PODXL2: variants seen among roughly 807,000 people sequenced by gnomAD.
The protein encoded by PODXL2 is podocalyxin like 2, also known as podocalyxin-like protein 2.
A neutral mutation model predicts 53.4 loss-of-function variants in PODXL2; 17 were observed. The observed-to-expected ratio is 0.32, with a 90% CI of 0.22 to 0.48. The LOEUF is 0.48. Among genes scored for constraint, PODXL2 ranks in the 20% least tolerant of loss-of-function variants. The pLI is 0.99. For missense variants in PODXL2, 673 were observed against 760.0 expected, an observed-to-expected ratio of 0.89 and a Z score of 1.35; for synonymous variants, 311 against 306.7, an observed-to-expected ratio of 1.01 and a Z score of -0.15.
At chr3:127,671,860 T>A (rs1040103168) in intron 7 of PODXL2, among the ~76,000 whole-genome samples, 7 of 152,172 alleles carry the variant, frequency 4.6e-5, no homozygotes, top group African/African-American at 1.7e-4. Context: ...CACCAGCCCC[T>A]TTCCGGCGCA....
Position 127,629,429 on chromosome 3 carries a change from G to A in PODXL2, c.70+140G>A. On this transcript the variant is annotated intron_variant, in intron 1 of 7. Transcript: ENST00000342480. The surrounding 1 kb of genome is among the most constrained non-coding windows in gnomAD (Gnocchi z 6.4). ...CGTGTCCCGGCCGGGCCGCGGCGCC[G>A]CCCCGACACACGCGCACGAGGAGTG... 1.5e-6 allele frequency: 1 copy of A among 651,834 alleles called. No homozygotes were observed. Among genetic ancestry groups the A allele is most frequent in the East Asian group, 1.4e-4 (1 of 7,300 alleles). The allele number at this position is 651,834 out of a possible 1,614,324, so 40.4% of individuals were successfully genotyped here.
chr3:127,637,030 C>T (rs1047454264), intron 1 of PODXL2, among the ~76,000 whole-genome samples: 9 of 152,122 alleles, frequency 5.9e-5, no homozygotes, highest in Admixed American at 3.9e-4. Context: ...GCCACATTGG[C>T]CAGGCCTGTC....
chr3:127,635,497 C>A (rs1352564365), intron 1 of PODXL2, among the ~76,000 whole-genome samples: 1 of 152,200 alleles, frequency 6.6e-6, no homozygotes, highest in African/African-American at 2.4e-5. Flanking sequence ...TCAAACACTA[C>A]TCTGATCCAA....
chr3:127,649,244 A>G (rs907815747), intron 2 of PODXL2, among the ~76,000 whole-genome samples: 14 of 152,226 alleles, frequency 9.2e-5, no homozygotes, highest in Admixed American at 8.5e-4. Flanking sequence ...CAGCCTGTTC[A>G]AGGCTGCCAT....
chr3:127,639,217 T>C, intron 1 of PODXL2, 28 bp from the exon 2 acceptor site: 1 of 1,557,972 alleles, frequency 6.4e-7, no homozygotes. Context: ...TAGCCTCCCC[T>C]GACTGTCTGG....
In PODXL2 at chr3:127,653,821, A is replaced by G. The variant is rs549007553; in HGVS notation, c.350-6557A>G. ...TGCCGCAGTTGCTGTATCAGTGTGT[A>G]TGTGTACATGTATGGATATGGAGAT... On this transcript the variant is annotated intron_variant, in intron 2 of 7. Transcript: ENST00000342480. Among the ~76,000 whole-genome samples, 92 of 152,294 alleles carry G rather than the reference A, an allele frequency of 6.0e-4. 3 individuals are homozygous for G. The Middle Eastern group carries it at 0.01, about 17-fold the overall frequency.
rs1402025939 is a variant in PODXL2 at position 127,629,843 on chromosome 3, T to C, written c.70+554T>C. 6.6e-6 allele frequency among the ~76,000 whole-genome samples: 1 copy of C among 152,048 alleles called. No homozygotes were observed. Among genetic ancestry groups the C allele is most frequent in the Non-Finnish European group, 1.5e-5 (1 of 68,006 alleles). On this transcript the variant is annotated intron_variant, in intron 1 of 7. Coordinates refer to ENST00000342480, the MANE Select transcript of PODXL2 (RefSeq NM_015720.4). The surrounding 1 kb of genome is among the most constrained non-coding windows in gnomAD (Gnocchi z 6.4). ...CACGGTGAATGGGTATTCTCTCCTG[T>C]TCTGGGCGACTCTATTAGGAGCTGA...
Position 127,661,054 on chromosome 3 carries a change from A to G in PODXL2, c.1026A>G (p.Glu342=). 6.2e-7 allele frequency: 1 copy of G among 1,614,234 alleles called. No homozygotes were observed. Among genetic ancestry groups the G allele is most frequent in the South Asian group, 1.1e-5 (1 of 91,092 alleles). ...ASSPLAPGDM[E]LTPSSATLGQ... is the part of the protein sequence containing the mutation. ...CCCCACTGGCCCCTGGAGACATGGA[A>G]CTGACACCTTCCTCTGCTACCTTGG... is the stretch of plus-strand genomic sequence containing the variant. The change falls in exon 3 of 8, where the codon GAA becomes GAG. Residue 342 remains glutamate, a synonymous_variant. Transcript: ENST00000342480.
chr3:127,669,797 C>T (rs763277632), intron 6 of PODXL2, among the ~76,000 whole-genome samples: 1 of 152,222 alleles, frequency 6.6e-6, no homozygotes, highest in Non-Finnish European at 1.5e-5. Flanking sequence ...TCCCGATCAA[C>T]CTCTCCTACC....
rs1371827120 is a variant in PODXL2, at chr3:127,660,753, G to T, written c.725G>T (p.Ser242Ile). ...GVEVESSMGPSLLLPSVTPTT... is the reference protein window; with the variant it reads ...GVEVESSMGPILLLPSVTPTT... Reference sequence around the variant, plus strand: ...GAGGTGGAGAGCAGCATGGGGCCCAGCTTGCTGCTGCCTTCAGTCACCCCA... The same window carrying T: ...GAGGTGGAGAGCAGCATGGGGCCCATCTTGCTGCTGCCTTCAGTCACCCCA... Residue 242 changes from serine to isoleucine, a missense_variant, in exon 3 of 8, where the codon AGC (serine) becomes ATC (isoleucine). Coordinates refer to ENST00000342480, the MANE Select transcript of PODXL2 (RefSeq NM_015720.4). The T allele has an allele frequency of 6.2e-7, 1 of 1,614,218 alleles. No homozygotes were observed. Among genetic ancestry groups the T allele is most frequent in the East Asian group, 2.2e-5 (1 of 44,882 alleles).
At chr3:127,640,319 T>G (rs562757023) in intron 2 of PODXL2, among the ~76,000 whole-genome samples, 7 of 152,182 alleles carry the variant, frequency 4.6e-5, no homozygotes, top group Admixed American at 2.6e-4. Flanking sequence ...CTTTTTAAAA[T>G]AGGTAATATT....
intron 1 of PODXL2, among the ~76,000 whole-genome samples, chr3:127,638,024 CTG>C (rs2074589123): frequency 1.3e-5 from 2 of 152,176 alleles, no homozygotes; most frequent in South Asian, 2.1e-4. Flanking sequence ...AAGAGGAAGA[CTG>C]TGAAATTCCC....
At chr3:127,647,380 C>T (rs1236872472) in intron 2 of PODXL2, among the ~76,000 whole-genome samples, 2 of 152,218 alleles carry the variant, frequency 1.3e-5, no homozygotes, top group Non-Finnish European at 2.9e-5. Context: ...TCCCCACTGA[C>T]CCCTCTAGCC....
intron 1 of PODXL2, among the ~76,000 whole-genome samples, chr3:127,635,205 A>G (rs543376164): frequency 3.7e-4 from 57 of 152,324 alleles, no homozygotes; most frequent in African/African-American, 1.4e-3. Flanking sequence ...GTACAGTGCC[A>G]TGAGCAGTTC....
intron 3 of PODXL2, 46 bp downstream of exon 3, chr3:127,661,205 G>A: frequency 6.8e-7 from 1 of 1,460,856 alleles, no homozygotes; most frequent in African/African-American, 1.4e-5. Context: ...CTTCTTCACA[G>A]AGCCTGGCCA....
chr3:127,647,407 T>C (rs1314335749), intron 2 of PODXL2, among the ~76,000 whole-genome samples: 1 of 152,158 alleles, frequency 6.6e-6, no homozygotes, highest in Non-Finnish European at 1.5e-5. Flanking sequence ...TTTTCTAAGC[T>C]CCTTAAGGAA....
intron 6 of PODXL2, among the ~76,000 whole-genome samples, chr3:127,670,463 G>A (rs1481519663): frequency 2.0e-5 from 3 of 152,144 alleles, no homozygotes; most frequent in African/African-American, 4.8e-5. Flanking sequence ...CCTGCTTTTC[G>A]CTGCCCCTGA....
At chr3:127,650,555 T>A (rs532094912) in intron 2 of PODXL2, among the ~76,000 whole-genome samples, 1 of 152,334 alleles carries the variant, frequency 6.6e-6, no homozygotes, top group East Asian at 1.9e-4. Context: ...AGTCTCAAGT[T>A]AGTGAATCTT....
intron 2 of PODXL2, among the ~76,000 whole-genome samples, chr3:127,642,688 T>C (rs940172042): frequency 1.3e-5 from 2 of 152,218 alleles, no homozygotes; most frequent in Middle Eastern, 3.2e-3. Context: ...AACTCATATA[T>C]GTACAAAACA....
Sources: allele counts gnomAD v4.1 joint callset (sites outside exome capture counted in the v4.1 genomes callset), GRCh38; gene constraint gnomAD v4.1.1; non-coding constraint Gnocchi (gnomAD v3.1); transcripts MANE v1.5; gene names NCBI Gene and HGNC (gene_info 2026-07-23, HGNC 2026-07-21).